Variants in TMEM178B observed in about 807,000 individuals in gnomAD.
TMEM178B encodes the protein transmembrane protein 178B.
A neutral mutation model predicts 31.0 loss-of-function variants in TMEM178B; 5 were observed. The ratio of observed to expected loss-of-function variants is 0.16; its 90% CI spans 0.08 to 0.34. The LOEUF is 0.34. Among genes scored for constraint, TMEM178B ranks in the 10% least tolerant of loss-of-function variants. The pLI, the probability that TMEM178B is intolerant of heterozygous loss-of-function variation, is 1.00. For missense variants in TMEM178B, 275 were observed against 400.3 expected (o/e 0.69, Z 2.67); for synonymous variants, 164 against 164.0 (o/e 1.00, Z 0.00).
chr7:141,126,856 AGT>A (rs10600930), intron 1 of TMEM178B, among the ~76,000 whole-genome samples: 12,102 of 145,158 alleles, frequency 0.083, 593 homozygotes, highest in East Asian at 0.24. Context: ...ATCTTCTCAA[AGT>A]GTGTGTGTGT....
At chr7:141,178,572 C>T (rs1796469426) in intron 1 of TMEM178B, among the ~76,000 whole-genome samples, 2 of 152,192 alleles carry the variant, frequency 1.3e-5, no homozygotes, top group South Asian at 4.1e-4. Context: ...ATTATTCCTT[C>T]TTAAATGGCT....
chr7:141,423,698 T>G (rs1375122522), intron 2 of TMEM178B, among the ~76,000 whole-genome samples: 1 of 152,190 alleles, frequency 6.6e-6, no homozygotes, highest in Non-Finnish European at 1.5e-5. Context: ...TTGTTTGTTC[T>G]TCCCATGCTG....
intron 2 of TMEM178B, among the ~76,000 whole-genome samples, chr7:141,300,810 A>G (rs1434235366): frequency 6.6e-6 from 1 of 151,834 alleles, no homozygotes; most frequent in East Asian, 1.9e-4. Context: ...GCCAGACCCC[A>G]TTCCCATCCT....
chr7:141,174,270 T>C (rs1321992598), intron 1 of TMEM178B, among the ~76,000 whole-genome samples: 1 of 152,226 alleles, frequency 6.6e-6, no homozygotes, highest in Non-Finnish European at 1.5e-5. Flanking sequence ...GCGTCATCCA[T>C]GTCCCTGCAA....
At chr7:141,227,870 A>T (rs1797371922) in intron 2 of TMEM178B, among the ~76,000 whole-genome samples, 1 of 152,238 alleles carries the variant, frequency 6.6e-6, no homozygotes, top group Admixed American at 6.5e-5. Flanking sequence ...TCTTTAAAGG[A>T]TCGTAGTGAC....
At chr7:141,148,781 A>G (rs1795902119) in intron 1 of TMEM178B, among the ~76,000 whole-genome samples, 1 of 152,232 alleles carries the variant, frequency 6.6e-6, no homozygotes, top group Non-Finnish European at 1.5e-5. Flanking sequence ...TCTAAGTGCC[A>G]TGTAAGGAAT....
chr7:141,138,371 A>G (rs979089677), intron 1 of TMEM178B, among the ~76,000 whole-genome samples: 1 of 151,946 alleles, frequency 6.6e-6, no homozygotes, highest in Non-Finnish European at 1.5e-5. Flanking sequence ...TAAAATTCAA[A>G]ATTTTAAGGG....
chr7:141,209,755 G>T (rs1797022915), intron 1 of TMEM178B, among the ~76,000 whole-genome samples: 1 of 152,118 alleles, frequency 6.6e-6, no homozygotes, highest in Admixed American at 6.5e-5. Flanking sequence ...GGAAGGCTTT[G>T]CTGAGGAACT....
chr7:141,247,544 T>C (rs1282652628), intron 2 of TMEM178B, among the ~76,000 whole-genome samples: 4 of 152,102 alleles, frequency 2.6e-5, no homozygotes, highest in Non-Finnish European at 1.5e-5. Context: ...CTCTGTCACG[T>C]GGGAAAGGGA....
the TMEM178B span, among the ~76,000 whole-genome samples, chr7:141,499,668 GATAAGT>G: frequency 2.0e-5 from 3 of 151,800 alleles, no homozygotes; most frequent in Non-Finnish European, 2.9e-5. Context: ...CCCCACAAAA[GATAAGT>G]ATATCAAATT....
Position 141,379,424 on chromosome 7 carries a change from G to T in TMEM178B, c.497-58184G>T, listed in dbSNP as rs77813291. Among the ~76,000 whole-genome samples the T allele has an allele frequency of 5.9e-5, 9 of 152,260 alleles. No homozygotes were observed. In the East Asian group the frequency reaches 1.4e-3, roughly 23 times the overall value. ...TGCTGGAGCTCAGGAGGCCGAAGCC[G>T]CAGTGAGCCATGATCATGCCATTAC... On this transcript the variant is annotated intron_variant, in intron 2 of 3. Coordinates refer to ENST00000565468, the MANE Select transcript of TMEM178B (RefSeq NM_001195278.2).
chr7:141,180,717 C>G (rs1196967474), intron 1 of TMEM178B, among the ~76,000 whole-genome samples: 1 of 152,154 alleles, frequency 6.6e-6, no homozygotes, highest in African/African-American at 2.4e-5. Context: ...TACCACCTTG[C>G]TGAGGACAGT....
intron 2 of TMEM178B, among the ~76,000 whole-genome samples, chr7:141,332,920 A>G (rs1242625541): frequency 6.6e-6 from 1 of 152,192 alleles, no homozygotes; most frequent in Non-Finnish European, 1.5e-5. Context: ...GCTGGATGGC[A>G]TAGTTTTAGT....
At chr7:141,329,286 T>C (rs1799253656) in intron 2 of TMEM178B, among the ~76,000 whole-genome samples, 1 of 152,086 alleles carries the variant, frequency 6.6e-6, no homozygotes, top group South Asian at 2.1e-4. Flanking sequence ...GGTGTGGATT[T>C]GTAAAAGTGT....
At chr7:141,227,281 T>A (rs1797360726) in intron 2 of TMEM178B, among the ~76,000 whole-genome samples, 1 of 152,218 alleles carries the variant, frequency 6.6e-6, no homozygotes, top group Admixed American at 6.5e-5. Flanking sequence ...GAACCTAAAA[T>A]ACGTCACTCA....
At chr7:141,159,615 A>G (rs1018404511) in intron 1 of TMEM178B, among the ~76,000 whole-genome samples, 2 of 152,254 alleles carry the variant, frequency 1.3e-5, no homozygotes, top group African/African-American at 4.8e-5. Flanking sequence ...ATATTATTCC[A>G]TCTCAGAAAC....
chr7:141,159,612 T>G (rs1431078612), intron 1 of TMEM178B, among the ~76,000 whole-genome samples: 1 of 152,204 alleles, frequency 6.6e-6, no homozygotes, highest in Non-Finnish European at 1.5e-5. Context: ...GGAATATTAT[T>G]CCATCTCAGA....
intron 2 of TMEM178B, among the ~76,000 whole-genome samples, chr7:141,323,804 G>T (rs1007977965): frequency 6.6e-6 from 1 of 152,108 alleles, no homozygotes; most frequent in South Asian, 2.1e-4. Context: ...GATAAAGTAT[G>T]TTAGGTAGTG....
chr7:141,159,771 A>G (rs1057105277), intron 1 of TMEM178B, among the ~76,000 whole-genome samples: 4 of 152,162 alleles, frequency 2.6e-5, no homozygotes, highest in Non-Finnish European at 5.9e-5. Flanking sequence ...GGACAAATTC[A>G]TAGAGACAGA....
Sources: gnomAD v4.1 joint callset for allele counts (sites outside exome capture counted in the v4.1 genomes callset) on GRCh38, gnomAD v4.1.1 for gene constraint, MANE v1.5 for transcripts, NCBI Gene and HGNC (gene_info 2026-07-23, HGNC 2026-07-21) for gene names.